Variants in CLDN10 observed in about 807,000 individuals in gnomAD.
CLDN10 encodes the protein claudin-10.
CLDN10 carries 15 observed loss-of-function variants against 22.9 expected under a neutral mutation model. That is an observed-to-expected ratio of 0.65 (90% CI 0.44 to 1.01). The LOEUF is 1.01. CLDN10 is among the 50% of genes least tolerant of loss of function. The probability of loss-of-function intolerance (pLI) is 0.00; values close to 1 mark genes in which losing one functional copy is unlikely to be tolerated. For synonymous variants in CLDN10, 114 were observed against 111.4 expected, an observed-to-expected ratio of 1.02 and a Z score of -0.15; for missense variants, 247 against 287.8, an observed-to-expected ratio of 0.86 and a Z score of 1.03.
In CLDN10 at chr13:95,552,943, A is replaced by G; in HGVS notation, c.190A>G (p.Lys64Glu). ...CGACTCCACGGGCGTCTCCAACTGC[A>G]AGGACTTCCCCTCCATGCTGGCGCT... Reference protein sequence around the residue: ...VTDSTGVSNCKDFPSMLALDG... With the variant: ...VTDSTGVSNCEDFPSMLALDG... The change falls in exon 1 of 5, where the codon AAG becomes GAG. Residue 64 changes from lysine to glutamate, a missense_variant. Transcript: ENST00000299339. The G allele has an allele frequency of 6.2e-7, 1 of 1,614,008 alleles. No homozygotes were observed. The highest frequency in any genetic ancestry group is 8.5e-7 in the Non-Finnish European group (1 of 1,179,976).
chr13:95,479,217 C>T (rs1159485652), intron 1 of CLDN10, among the ~76,000 whole-genome samples: 2 of 152,020 alleles, frequency 1.3e-5, no homozygotes, highest in African/African-American at 2.4e-5. Flanking sequence ...GGTGTGGTGG[C>T]GGGTGCCTGT....
chr13:95,504,674 C>T (rs1412727324), intron 1 of CLDN10, among the ~76,000 whole-genome samples: 2 of 152,008 alleles, frequency 1.3e-5, no homozygotes, highest in Non-Finnish European at 2.9e-5. Context: ...GCCACCACGC[C>T]TGGCAATTTT....
chr13:95,529,299 C>T (rs1028229027), intron 1 of CLDN10, among the ~76,000 whole-genome samples: 59 of 151,866 alleles, frequency 3.9e-4, no homozygotes, highest in African/African-American at 1.4e-3. Context: ...CTTTCTTTTC[C>T]TTTGATTGGC....
chr13:95,460,643 C>A (rs753548996), intron 1 of CLDN10, among the ~76,000 whole-genome samples: 1 of 152,074 alleles, frequency 6.6e-6, no homozygotes, highest in Non-Finnish European at 1.5e-5. Flanking sequence ...GAAGATTTTA[C>A]GAGGATTATG....
chr13:95,570,866 A>G (rs199988881), intron 3 of CLDN10, among the ~76,000 whole-genome samples: 1,666 of 144,640 alleles, frequency 0.012, 37 homozygotes, highest in Middle Eastern at 0.043. Context: ...GTGTATATAT[A>G]TATATATATA....
chr13:95,493,313 C>T (rs1043538017), intron 1 of CLDN10, among the ~76,000 whole-genome samples: 2 of 150,974 alleles, frequency 1.3e-5, no homozygotes, highest in Admixed American at 6.6e-5. Context: ...CTAAAAAATA[C>T]ATGTTATAAC....
intron 1 of CLDN10, among the ~76,000 whole-genome samples, chr13:95,508,280 C>T (rs2043058978): frequency 6.6e-6 from 1 of 152,132 alleles, no homozygotes; most frequent in African/African-American, 2.4e-5. Flanking sequence ...CCAGGTCCAG[C>T]AGCCTCTTCC....
chr13:95,471,941 A>ATTTTTTTTTT (rs58891166), intron 1 of CLDN10, among the ~76,000 whole-genome samples: 1 of 95,824 alleles, frequency 1.0e-5, no homozygotes, highest in Non-Finnish European at 2.0e-5. Context: ...ACACTCAGCT[A>ATTTTTTTTTT]TTTTTTTTTT....
chr13:95,436,630 ATC>A (rs1388212178), intron 1 of CLDN10, among the ~76,000 whole-genome samples: 1 of 152,154 alleles, frequency 6.6e-6, no homozygotes, highest in Non-Finnish European at 1.5e-5. Context: ...AATTAATATA[ATC>A]TCTCTACCTT....
chr13:95,483,829 C>T (rs1198440562), intron 1 of CLDN10, among the ~76,000 whole-genome samples: 1 of 152,146 alleles, frequency 6.6e-6, no homozygotes, highest in Non-Finnish European at 1.5e-5. Flanking sequence ...ATTTGTGTCC[C>T]TCCAAAACTC....
At chr13:95,469,253 G>A (rs951901840) in intron 1 of CLDN10, among the ~76,000 whole-genome samples, 1 of 151,708 alleles carries the variant, frequency 6.6e-6, no homozygotes, top group African/African-American at 2.4e-5. Flanking sequence ...CAACTATGAA[G>A]GCAGAAATGA....
At chr13:95,474,917 G>C (rs1189082200) in intron 1 of CLDN10, among the ~76,000 whole-genome samples, 1 of 152,176 alleles carries the variant, frequency 6.6e-6, no homozygotes, top group Non-Finnish European at 1.5e-5. Context: ...GCCCAGAAGA[G>C]GCGGTGGGTG....
At chr13:95,558,711 A>C (rs996300167) in intron 1 of CLDN10, among the ~76,000 whole-genome samples, 1 of 152,216 alleles carries the variant, frequency 6.6e-6, no homozygotes, top group African/African-American at 2.4e-5. Flanking sequence ...GGATCGCTTG[A>C]GGCCAGGAAT....
At chr13:95,460,930 G>A (rs1363666088) in intron 1 of CLDN10, among the ~76,000 whole-genome samples, 5 of 152,162 alleles carry the variant, frequency 3.3e-5, no homozygotes, top group Non-Finnish European at 5.9e-5. Context: ...CCAACATGGT[G>A]AAACCCCATC....
chr13:95,447,057 G>T (rs765537811), intron 1 of CLDN10, among the ~76,000 whole-genome samples: 58 of 151,900 alleles, frequency 3.8e-4, no homozygotes, highest in Middle Eastern at 3.4e-3. Flanking sequence ...ATTTCCTTGG[G>T]TTGATATTTC....
chr13:95,536,102 A>T (rs1290344006), intron 1 of CLDN10, among the ~76,000 whole-genome samples: 2 of 152,098 alleles, frequency 1.3e-5, no homozygotes, highest in Non-Finnish European at 2.9e-5. Flanking sequence ...TGAGATGGTC[A>T]GTTAAAGAAG....
intron 3 of CLDN10, among the ~76,000 whole-genome samples, chr13:95,564,096 G>C (rs2043753013): frequency 6.6e-6 from 1 of 152,196 alleles, no homozygotes; most frequent in Non-Finnish European, 1.5e-5. Flanking sequence ...GCCAGTCCTA[G>C]ATAGGCTGGG....
At chr13:95,537,384 G>A (rs143833869) in intron 1 of CLDN10, among the ~76,000 whole-genome samples, 1 of 152,270 alleles carries the variant, frequency 6.6e-6, no homozygotes, top group East Asian at 1.9e-4. Flanking sequence ...GAGGCAGTAT[G>A]AATTGCGAAC....
chr13:95,553,670 G>A (rs1008641116), intron 1 of CLDN10, among the ~76,000 whole-genome samples: 1 of 152,232 alleles, frequency 6.6e-6, no homozygotes, highest in African/African-American at 2.4e-5. Flanking sequence ...CTTGGGCCGT[G>A]AGAGCGTGGC....
Sources: allele counts gnomAD v4.1 joint callset (sites outside exome capture counted in the v4.1 genomes callset), GRCh38; gene constraint gnomAD v4.1.1; transcripts MANE v1.5; gene names NCBI Gene and HGNC (gene_info 2026-07-23, HGNC 2026-07-21).